Variants in TENM3 observed in about 807,000 individuals in gnomAD.
The protein encoded by TENM3 is teneurin transmembrane protein 3.
Under a neutral mutation model 255.1 loss-of-function variants are expected in TENM3, and 63 were observed. The ratio of observed to expected loss-of-function variants is 0.25; its 90% CI spans 0.20 to 0.30. TENM3 has a LOEUF of 0.30. TENM3 is among the 10% of genes least tolerant of loss of function. The pLI, the probability that TENM3 is intolerant of heterozygous loss-of-function variation, is 1.00. For synonymous variants in TENM3, 1,306 were observed against 1,322.3 expected, an observed-to-expected ratio of 0.99 and a Z score of 0.27; for missense variants, 2,929 against 3,461.1, an observed-to-expected ratio of 0.85 and a Z score of 3.86.
chr4:181,588,478 C>T, the TENM3 span, among the ~76,000 whole-genome samples: 2 of 152,044 alleles, frequency 1.3e-5, no homozygotes, highest in African/African-American at 4.8e-5. Flanking sequence ...CATTATCACC[C>T]CGAATCTAAT....
the TENM3 span, among the ~76,000 whole-genome samples, chr4:181,706,051 T>G: frequency 6.6e-6 from 1 of 152,194 alleles, no homozygotes; most frequent in Non-Finnish European, 1.5e-5. Context: ...CTCACCATCC[T>G]GGCAGGTAGC....
the TENM3 span, among the ~76,000 whole-genome samples, chr4:181,547,881 C>T: frequency 6.6e-6 from 1 of 151,844 alleles, no homozygotes; most frequent in Non-Finnish European, 1.5e-5. Context: ...TATACATATA[C>T]ATGTGCCATG....
intron 1 of TENM3, among the ~76,000 whole-genome samples, chr4:182,270,236 A>C (rs964180582): frequency 5.9e-5 from 9 of 152,124 alleles, no homozygotes; most frequent in African/African-American, 2.2e-4. Flanking sequence ...TTAGATCCTA[A>C]TCCCAGCTGT....
the TENM3 span, among the ~76,000 whole-genome samples, chr4:181,756,264 TG>T: frequency 1.3e-5 from 2 of 152,224 alleles, no homozygotes. Context: ...CCTCCCTTCT[TG>T]CCCGGTAGCA....
At chr4:181,662,247 A>G in the TENM3 span, among the ~76,000 whole-genome samples, 12 of 152,232 alleles carry the variant, frequency 7.9e-5, no homozygotes, top group Admixed American at 6.5e-5. Flanking sequence ...GCAAATCTAA[A>G]TAAAGGCAAG....
chr4:181,975,135 C>CTTTT, the TENM3 span: 9 of 119,330 alleles, frequency 7.5e-5, no homozygotes, highest in South Asian at 5.9e-4. Flanking sequence ...TGGAGTAGCT[C>CTTTT]TTTTTTTTTT....
chr4:182,209,101 G>C (rs1754789859), intron 1 of TENM3, among the ~76,000 whole-genome samples: 1 of 151,860 alleles, frequency 6.6e-6, no homozygotes, highest in African/African-American at 2.4e-5. Context: ...CCAGGTAGCT[G>C]GGATTACAGG....
intron 3 of TENM3, among the ~76,000 whole-genome samples, chr4:182,429,268 A>G (rs1420337977): frequency 2.0e-5 from 3 of 152,182 alleles, no homozygotes; most frequent in Non-Finnish European, 4.4e-5. Flanking sequence ...GGACTGTTAA[A>G]CATTATTTGG....
chr4:181,544,425 A>AAAAAAC, the TENM3 span, among the ~76,000 whole-genome samples: 2 of 147,336 alleles, frequency 1.4e-5, no homozygotes, highest in African/African-American at 5.0e-5. Context: ...AAAAAAAAAA[A>AAAAAAC]AAAAAAAAAA....
chr4:182,470,265 C>G (rs1267162468), intron 3 of TENM3, among the ~76,000 whole-genome samples: 1 of 152,170 alleles, frequency 6.6e-6, no homozygotes. Context: ...AAGGCAACCC[C>G]TAATTTATGT....
the TENM3 span, among the ~76,000 whole-genome samples, chr4:181,950,206 T>G: frequency 6.6e-6 from 1 of 152,050 alleles, no homozygotes; most frequent in Admixed American, 6.6e-5. Context: ...GCTCCCCCAC[T>G]GAGCACCTTA....
At chr4:182,722,402 G>A (rs928312786) in intron 13 of TENM3, among the ~76,000 whole-genome samples, 5 of 152,164 alleles carry the variant, frequency 3.3e-5, no homozygotes, top group Non-Finnish European at 7.3e-5. Context: ...TTTAGCAAAT[G>A]TATTAAATGC....
intron 3 of TENM3, among the ~76,000 whole-genome samples, chr4:182,531,996 A>G (rs1010779470): frequency 4.6e-5 from 7 of 152,332 alleles, no homozygotes; most frequent in South Asian, 2.1e-4. Flanking sequence ...CGGGACTGCT[A>G]TGTGAACTCT....
chr4:181,831,298 T>G, the TENM3 span, among the ~76,000 whole-genome samples: 1 of 152,286 alleles, frequency 6.6e-6, no homozygotes, highest in Non-Finnish European at 1.5e-5. Flanking sequence ...ATTAGCAGTG[T>G]CTCTTTTGAG....
At chr4:181,986,095 T>C in the TENM3 span, among the ~76,000 whole-genome samples, 25 of 152,222 alleles carry the variant, frequency 1.6e-4, no homozygotes, top group African/African-American at 5.1e-4. Context: ...TCCGTTTCTA[T>C]TAACTGCCTA....
At chr4:182,029,946 A>G in the TENM3 span, among the ~76,000 whole-genome samples, 1 of 146,100 alleles carries the variant, frequency 6.8e-6, no homozygotes, top group Non-Finnish European at 1.5e-5. Flanking sequence ...TGTTTCACAT[A>G]TAACTGAAGT....
Position 182,680,642 on chromosome 4 carries a change from C to T in TENM3, c.1739C>T (p.Thr580Ile). The change falls in exon 10 of 28, where the codon ACC (threonine) becomes ATC (isoleucine). Residue 580 changes from threonine (T) to isoleucine (I), a missense_variant. Physicochemically the swap from Thr to Ile is moderately conservative, Grantham distance 89. Coordinates refer to ENST00000511685, the MANE Select transcript of TENM3 (RefSeq NM_001080477.4). ...WKGTECDVPT[T>I]QCIDPQCGGR... ...GGCACCGAGTGTGATGTGCCGACTACCCAGTGTATTGACCCACAGTGTGGG... is the reference window on the plus strand; with the variant it reads ...GGCACCGAGTGTGATGTGCCGACTATCCAGTGTATTGACCCACAGTGTGGG... 1 of 1,613,206 alleles carries T rather than the reference C, an allele frequency of 6.2e-7. No individual in the cohort carries two copies. The highest frequency in any genetic ancestry group is 8.5e-7 in the Non-Finnish European group (1 of 1,179,704).
chr4:182,638,739 C>T (rs1356936950), intron 5 of TENM3, among the ~76,000 whole-genome samples: 1 of 152,208 alleles, frequency 6.6e-6, no homozygotes, highest in African/African-American at 2.4e-5. Flanking sequence ...CATTGGCTGG[C>T]TCTGTCCTGG....
chr4:182,300,114 C>T (rs1341368446), intron 1 of TENM3, among the ~76,000 whole-genome samples: 1 of 152,068 alleles, frequency 6.6e-6, no homozygotes, highest in Non-Finnish European at 1.5e-5. Context: ...CGAGGTTTCA[C>T]CATGTTGGCA....
Sources: allele counts gnomAD v4.1 joint callset (sites outside exome capture counted in the v4.1 genomes callset), GRCh38; gene constraint gnomAD v4.1.1; transcripts MANE v1.5; gene names NCBI Gene and HGNC (gene_info 2026-07-23, HGNC 2026-07-21).